HDAC4: variants seen among roughly 807,000 people sequenced by gnomAD.
HDAC4 encodes histone deacetylase A.
In HDAC4, 16 loss-of-function variants were observed where a neutral mutation model predicts 135.1. The observed-to-expected ratio is 0.12, with a 90% CI of 0.08 to 0.18. The LOEUF (loss-of-function observed/expected upper bound fraction) is 0.18. Among genes scored for constraint, HDAC4 ranks in the 10% least tolerant of loss-of-function variants. The probability of loss-of-function intolerance (pLI) is 1.00; values close to 1 mark genes in which losing one functional copy is unlikely to be tolerated. For synonymous variants in HDAC4, 685 were observed against 653.4 expected (o/e 1.05, Z -0.74); for missense variants, 1,143 against 1,511.8 (o/e 0.76, Z 4.05).
chr2:239,184,438 C>A (rs1378246585), intron 4 of HDAC4, among the ~76,000 whole-genome samples: 1 of 130,068 alleles, frequency 7.7e-6, no homozygotes, highest in East Asian at 2.4e-4. Context: ...CAGTGTCTGT[C>A]CTGGAGGCTG....
chr2:239,052,983 C>T lies in HDAC4; in HGVS notation c.*114G>A. 7.8e-7 allele frequency: 1 copy of T among 1,288,466 alleles called. No homozygotes were observed. Among genetic ancestry groups the T allele is most frequent in the Non-Finnish European group, 1.1e-6 (1 of 884,086 alleles). The allele number at this position is 1,288,466 out of a possible 1,614,324, so 79.8% of individuals were successfully genotyped here. On this transcript the variant is annotated 3_prime_UTR_variant, in exon 27 of 27. Coordinates refer to ENST00000543185, the MANE Select transcript of HDAC4 (RefSeq NM_001378414.1). ...CGTGGCTGTTGCACGCTGGGTGTCC[C>T]TGGGTGCTCCAAGAGAGCCCCACGG... is the stretch of plus-strand genomic sequence containing the variant.
At chr2:239,287,269 C>A (rs987586810) in intron 2 of HDAC4, among the ~76,000 whole-genome samples, 1 of 152,206 alleles carries the variant, frequency 6.6e-6, no homozygotes, top group Non-Finnish European at 1.5e-5. Flanking sequence ...GAGGCTCCTT[C>A]GGCTGCGACG....
At position 239,054,795 on chromosome 2, in the gene HDAC4, G is replaced by T. The variant is rs776718070; in HGVS notation, c.3042C>A (p.Pro1014=). 1.5e-5 allele frequency: 24 copies of T among 1,613,376 alleles called. No individual in the cohort carries two copies. The African/African-American group carries it at 2.9e-4, about 20-fold the overall frequency. ...PLPEKVLQQR[P]NANAVRSMEK... Reference sequence around the variant, plus strand: ...CCATGGAACGGACAGCGTTTGCATTGGGTCTTTGCTGTAAAACCTTTTCTG... The same window carrying T: ...CCATGGAACGGACAGCGTTTGCATTTGGTCTTTGCTGTAAAACCTTTTCTG... The change falls in exon 25 of 27, where the codon CCC becomes CCA. Residue 1014 remains proline, a synonymous_variant. Coordinates refer to ENST00000543185, the MANE Select transcript of HDAC4 (RefSeq NM_001378414.1).
rs144219527 is a variant in HDAC4, at chr2:239,275,913, CATT to C, written c.23-39252_23-39250del. Among the ~76,000 whole-genome samples the C allele has an allele frequency of 6.1e-3, 923 of 152,280 alleles. 4 individuals carry two copies. Among genetic ancestry groups the C allele is most frequent in the Non-Finnish European group, 9.9e-3 (676 of 68,014 alleles). On this transcript the variant is annotated intron_variant, in intron 2 of 26. Transcript: ENST00000543185. ...GATGAAGCTCCTCTGTCGCCTGCCT[CATT>C]TGGGAAAGCTTCCCAGAGGAGGAGA...
At chr2:239,221,694 T>C (rs906255472) in intron 3 of HDAC4, among the ~76,000 whole-genome samples, 17 of 152,080 alleles carry the variant, frequency 1.1e-4, no homozygotes, top group African/African-American at 4.1e-4. Flanking sequence ...CTGTCCACAT[T>C]CTTAAGGGTC....
chr2:239,281,530 C>G (rs1252419252), intron 2 of HDAC4, among the ~76,000 whole-genome samples: 1 of 132,244 alleles, frequency 7.6e-6, no homozygotes, highest in African/African-American at 2.9e-5. Flanking sequence ...CCACTCTACA[C>G]TGAACACACC....
At chr2:239,360,292 GCAGACAGACGCCA>G (rs1189144117) in intron 1 of HDAC4, among the ~76,000 whole-genome samples, 2 of 152,224 alleles carry the variant, frequency 1.3e-5, no homozygotes, top group Non-Finnish European at 2.9e-5. Flanking sequence ...ATAGGACAAG[GCAGACAGACGCCA>G]CAGACAGCCG....
At chr2:239,273,191 C>A (rs780716097) in intron 2 of HDAC4, among the ~76,000 whole-genome samples, 5 of 152,124 alleles carry the variant, frequency 3.3e-5, no homozygotes, top group Non-Finnish European at 7.3e-5. Context: ...AGGAAGCAAT[C>A]AAAGACTGCA....
At chr2:239,216,078 G>A (rs758797991) in intron 3 of HDAC4, among the ~76,000 whole-genome samples, 5 of 151,980 alleles carry the variant, frequency 3.3e-5, no homozygotes, top group Non-Finnish European at 7.4e-5. Context: ...ATGTACATGT[G>A]CTTACATTGT....
intron 1 of HDAC4, among the ~76,000 whole-genome samples, chr2:239,387,444 C>T (rs1695895036): frequency 6.6e-6 from 1 of 152,294 alleles, no homozygotes; most frequent in African/African-American, 2.4e-5. Flanking sequence ...TACAAAACCC[C>T]CCACCTTCGC....
intron 22 of HDAC4, among the ~76,000 whole-genome samples, chr2:239,076,740 C>T (rs2034805820): frequency 1.3e-5 from 2 of 152,226 alleles, no homozygotes; most frequent in Admixed American, 6.5e-5. Context: ...GCTCTCCCTA[C>T]TAAGGGGCCT....
intron 2 of HDAC4, among the ~76,000 whole-genome samples, chr2:239,300,215 A>G (rs757834293): frequency 6.6e-6 from 1 of 152,114 alleles, no homozygotes; most frequent in Non-Finnish European, 1.5e-5. Flanking sequence ...TTTTACCCCA[A>G]CTGGGAAATT....
At chr2:239,117,060 G>A (rs894748279) in intron 12 of HDAC4, among the ~76,000 whole-genome samples, 2 of 152,288 alleles carry the variant, frequency 1.3e-5, no homozygotes, top group African/African-American at 4.8e-5. Flanking sequence ...ATTGCTCATC[G>A]CACATTCACT....
intron 2 of HDAC4, among the ~76,000 whole-genome samples, chr2:239,330,434 G>A (rs1691493231): frequency 6.6e-6 from 1 of 152,266 alleles, no homozygotes; most frequent in South Asian, 2.1e-4. Context: ...ACTGCAAGAG[G>A]GCGACAGGAA....
At chr2:239,168,420 T>C (rs1347315832) in intron 5 of HDAC4, among the ~76,000 whole-genome samples, 2 of 152,180 alleles carry the variant, frequency 1.3e-5, no homozygotes, top group Non-Finnish European at 2.9e-5. Flanking sequence ...TTGCTAAACA[T>C]GATGAAAACT....
intron 24 of HDAC4, among the ~76,000 whole-genome samples, chr2:239,064,804 C>T (rs2033257931): frequency 6.6e-6 from 1 of 152,158 alleles, no homozygotes; most frequent in Admixed American, 6.5e-5. Flanking sequence ...ATGAGAATTC[C>T]AGCACCCACG....
intron 22 of HDAC4, among the ~76,000 whole-genome samples, chr2:239,078,764 C>T (rs2035016995): frequency 6.6e-6 from 1 of 152,144 alleles, no homozygotes; most frequent in African/African-American, 2.4e-5. Context: ...TGGGCTTGCC[C>T]GCCAGCAGGG....
Position 239,241,739 on chromosome 2 carries a change from A to ATGAGACAGGGGTT in HDAC4, c.23-5088_23-5076dup, listed in dbSNP as rs888709989. Among the ~76,000 whole-genome samples the ATGAGACAGGGGTT allele has an allele frequency of 1.6e-4, 24 of 152,108 alleles. No individual in the cohort carries two copies. In the South Asian group the frequency reaches 4.1e-3, roughly 26 times the overall value. On this transcript the variant is annotated intron_variant, in intron 2 of 26. Transcript: ENST00000543185. ...ACTGGCACTGATGTTTGTATACGCTATGAGACAGGGGTTTGGGGTATGTTT... is the reference window on the plus strand; with the variant it reads ...ACTGGCACTGATGTTTGTATACGCTATGAGACAGGGGTTTGAGACAGGGGTTTGGGGTATGTTT...
intron 16 of HDAC4, among the ~76,000 whole-genome samples, chr2:239,095,595 G>A (rs1161827979): frequency 6.6e-6 from 1 of 152,168 alleles, no homozygotes; most frequent in African/African-American, 2.4e-5. Flanking sequence ...GACACAGGCG[G>A]AGCGTGTACA....
Sources: gnomAD v4.1 joint callset for allele counts (sites outside exome capture counted in the v4.1 genomes callset) on GRCh38, gnomAD v4.1.1 for gene constraint, MANE v1.5 for transcripts, NCBI Gene and HGNC (gene_info 2026-07-23, HGNC 2026-07-21) for gene names.